The following TNS1 variants were observed in gnomAD, a reference collection of about 807,000 sequenced individuals.
TNS1 encodes the protein tensin-1.
In TNS1, 62 loss-of-function variants were observed where a neutral mutation model predicts 168.6. That is an observed-to-expected ratio of 0.37 (90% confidence interval 0.30 to 0.45). The LOEUF is 0.45. Ranked by LOEUF, TNS1 falls within the 20% of genes least tolerant of loss-of-function variation. TNS1 has a pLI of 1.00. For missense variants in TNS1, 2,240 were observed against 2,339.4 expected (o/e 0.96, Z 0.88); for synonymous variants, 934 against 933.2 (o/e 1.00, Z -0.02).
At chr2:217,805,524 A>C (rs139137422) in intron 32 of TNS1, among the ~76,000 whole-genome samples, 1 of 1,592 alleles carries the variant, frequency 6.3e-4, no homozygotes, top group African/African-American at 2.6e-3. Flanking sequence ...CACCACACAC[A>C]CCACACACAC....
At chr2:217,893,060 G>C in intron 10 of TNS1, 48 bp from the exon 11 acceptor site, 1 of 1,608,332 alleles carries the variant, frequency 6.2e-7, no homozygotes, top group Non-Finnish European at 8.5e-7. Context: ...GGCCAGCCTT[G>C]CTGCCCCAGA....
chr2:217,809,117 T>C (rs1244716348), intron 30 of TNS1, among the ~76,000 whole-genome samples: 1 of 152,024 alleles, frequency 6.6e-6, no homozygotes, highest in Non-Finnish European at 1.5e-5. Flanking sequence ...GAGATACAGA[T>C]GGATGAAGGG....
chr2:218,031,083 AGTGT>A (rs1173851624), intron 1 of TNS1, among the ~76,000 whole-genome samples: 1 of 144,954 alleles, frequency 6.9e-6, no homozygotes, highest in East Asian at 2.1e-4. Context: ...TGTGTTTGTG[AGTGT>A]GTGAGCGTGT....
At chr2:218,011,887 C>T (rs1466776170), upstream of TNS1, among the ~76,000 whole-genome samples, 3 of 152,142 alleles carry the variant, frequency 2.0e-5, no homozygotes. Flanking sequence ...CTAACAAGCC[C>T]TCCAGCAAGG....
chr2:217,964,502 G>A lies in TNS1; in HGVS notation c.186+14263C>T, dbSNP rs142865383. ...GTGTGAGCGCACTGCTCAATCATCT[G>A]AGGCGTTTCCTCCTCTGTGCCCTAG... is the stretch of plus-strand genomic sequence containing the variant. On this transcript the variant is annotated intron_variant, in intron 3 of 32. Coordinates refer to ENST00000682258, the MANE Select transcript of TNS1 (RefSeq NM_001387777.1). Among the ~76,000 whole-genome samples, 20 of 152,310 alleles carry A rather than the reference G, an allele frequency of 1.3e-4. No homozygotes were observed. The East Asian group carries it at 3.5e-3, about 26-fold the overall frequency.
chr2:217,828,367 G>A (rs1055676674), intron 22 of TNS1, among the ~76,000 whole-genome samples: 17 of 152,212 alleles, frequency 1.1e-4, no homozygotes, highest in African/African-American at 4.1e-4. Flanking sequence ...GGCCATCCCC[G>A]CTTAGGGGGT....
At chr2:217,990,137 A>G (rs111163654) in intron 2 of TNS1, among the ~76,000 whole-genome samples, 41 of 141,760 alleles carry the variant, frequency 2.9e-4, no homozygotes, top group African/African-American at 5.9e-4. Context: ...CACCAGCCAC[A>G]GACCCTCAAA....
At chr2:217,917,091 C>T (rs895691382) in intron 4 of TNS1, among the ~76,000 whole-genome samples, 3 of 152,190 alleles carry the variant, frequency 2.0e-5, no homozygotes, top group East Asian at 1.9e-4. Flanking sequence ...AACTTTCTCC[C>T]GGTTTCCCCT....
chr2:217,851,440 TACACACACAC>T (rs3838563), intron 18 of TNS1, among the ~76,000 whole-genome samples: 1 of 139,730 alleles, frequency 7.2e-6, no homozygotes, highest in Non-Finnish European at 1.6e-5. Context: ...TGCATCCCTC[TACACACACAC>T]ACACACACAC....
intron 3 of TNS1, among the ~76,000 whole-genome samples, chr2:217,946,747 C>T (rs1298772350): frequency 3.9e-5 from 6 of 152,086 alleles, no homozygotes; most frequent in Admixed American, 6.5e-5. Context: ...CATCACCCCT[C>T]TTTCCAGCCT....
intron 19 of TNS1, 34 bp from the exon 20 acceptor site, chr2:217,836,245 C>G: frequency 1.3e-6 from 2 of 1,573,364 alleles, no homozygotes; most frequent in South Asian, 2.3e-5. Flanking sequence ...GGACAATGAG[C>G]ATTTTTGTGT....
Position 217,946,988 on chromosome 2 carries a change from C to CAA in TNS1, c.187-26753_187-26752insTT, listed in dbSNP as rs1575128523. 2.0e-5 allele frequency among the ~76,000 whole-genome samples: 3 copies of CAA among 151,534 alleles called. No individual in the cohort carries two copies. In the South Asian group the frequency reaches 6.3e-4, roughly 32 times the overall value. ...TCTCTCTCACACACACACACACACA[C>CAA]ACACACAGTAAAAACTGCTCTCTGA... On this transcript the variant is annotated intron_variant, in intron 3 of 32. Coordinates refer to ENST00000682258, the MANE Select transcript of TNS1 (RefSeq NM_001387777.1).
At chr2:217,980,298 T>C (rs1208817336) in intron 2 of TNS1, among the ~76,000 whole-genome samples, 1 of 152,052 alleles carries the variant, frequency 6.6e-6, no homozygotes, top group East Asian at 1.9e-4. Context: ...GCGTTACCCA[T>C]CACTCTGGTC....
At chr2:217,816,768 A>C (rs1427229863) in intron 24 of TNS1, among the ~76,000 whole-genome samples, 1 of 152,096 alleles carries the variant, frequency 6.6e-6, no homozygotes, top group East Asian at 1.9e-4. Context: ...GGGCGGCAGG[A>C]AACAGGCAGT....
chr2:217,886,674 G>T (rs751863957), intron 12 of TNS1, 28 bp from the exon 13 acceptor site: 24 of 1,503,330 alleles, frequency 1.6e-5, no homozygotes, highest in Admixed American at 3.9e-5. Flanking sequence ...GCAGCTTCAG[G>T]GAGTGAGGTG....
chr2:217,889,975 C>T (rs540884782), intron 12 of TNS1, among the ~76,000 whole-genome samples: 21 of 152,360 alleles, frequency 1.4e-4, no homozygotes, highest in African/African-American at 2.2e-4. Flanking sequence ...ATGTCACCCA[C>T]GGAGCAGGAT....
chr2:217,893,113 G>A (rs945922164), intron 10 of TNS1, 101 bp from the exon 11 acceptor site: 325 of 1,424,040 alleles, frequency 2.3e-4, no homozygotes, highest in Non-Finnish European at 3.1e-4. Context: ...GGGCTGGAGA[G>A]AGGGGTGTGG....
At chr2:217,888,802 T>G (rs1450906012) in intron 12 of TNS1, among the ~76,000 whole-genome samples, 2 of 152,168 alleles carry the variant, frequency 1.3e-5, no homozygotes, top group Non-Finnish European at 2.9e-5. Flanking sequence ...CCTCTTTCTT[T>G]TGTAAATTGC....
chr2:217,883,825 G>A (rs919567284), intron 16 of TNS1, among the ~76,000 whole-genome samples: 2 of 152,190 alleles, frequency 1.3e-5, no homozygotes, highest in Admixed American at 1.3e-4. Flanking sequence ...ACACTAAGGA[G>A]ATCTGGACCC....
Sources: allele counts gnomAD v4.1 joint callset (sites outside exome capture counted in the v4.1 genomes callset), GRCh38; gene constraint gnomAD v4.1.1; transcripts MANE v1.5; gene names NCBI Gene and HGNC (gene_info 2026-07-23, HGNC 2026-07-21).